The following CHST9 variants were observed in gnomAD, a reference collection of about 807,000 sequenced individuals.
The protein encoded by CHST9 is carbohydrate sulfotransferase 9.
CHST9 carries 41 observed loss-of-function variants against 44.4 expected under a neutral mutation model. The ratio of observed to expected loss-of-function variants is 0.92; its 90% CI spans 0.72 to 1.20. CHST9 has a LOEUF of 1.20. Ranked by LOEUF, CHST9 falls within the 50% of genes most tolerant of loss-of-function variation. The probability of loss-of-function intolerance (pLI) is 0.00; values close to 1 mark genes in which losing one functional copy is unlikely to be tolerated. For missense variants in CHST9, 504 were observed against 516.5 expected, an observed-to-expected ratio of 0.98 and a Z score of 0.23; for synonymous variants, 171 against 178.4, an observed-to-expected ratio of 0.96 and a Z score of 0.33.
At chr18:27,160,630 G>A (rs900124133) in intron 1 of CHST9, among the ~76,000 whole-genome samples, 2 of 152,212 alleles carry the variant, frequency 1.3e-5, no homozygotes, top group African/African-American at 4.8e-5. Flanking sequence ...CACATAAAAT[G>A]AGTTAGGGAG....
intron 3 of CHST9, among the ~76,000 whole-genome samples, chr18:27,029,091 GTGGGT>G (rs1181442012): frequency 2.6e-5 from 4 of 152,114 alleles, no homozygotes; most frequent in African/African-American, 9.7e-5. Flanking sequence ...GATGATTGTG[GTGGGT>G]TGGGTGTGCT....
At position 27,108,088 on chromosome 18, in the gene CHST9, T is replaced by C. The variant is rs144916656; in HGVS notation, c.121+34601A>G. Among the ~76,000 whole-genome samples, 9 of 152,280 alleles carry C rather than the reference T, an allele frequency of 5.9e-5. No homozygotes were observed. In the East Asian group the frequency reaches 1.7e-3, roughly 30 times the overall value. On this transcript the variant is annotated intron_variant, in intron 2 of 5. Transcript: ENST00000618847. ...CAATCTACCCACCTAGACACCTAAC[T>C]ATTGCCTGTTCCCAGAGTTCTCTGT...
intron 2 of CHST9, among the ~76,000 whole-genome samples, chr18:27,090,771 T>C (rs1039665864): frequency 6.6e-6 from 1 of 152,206 alleles, no homozygotes; most frequent in Non-Finnish European, 1.5e-5. Flanking sequence ...TGTGGTGTTA[T>C]TTCTGAGGCC....
At chr18:27,130,250 A>G (rs937611716) in intron 2 of CHST9, among the ~76,000 whole-genome samples, 5 of 152,184 alleles carry the variant, frequency 3.3e-5, no homozygotes, top group African/African-American at 1.2e-4. Flanking sequence ...ACTGCCATGA[A>G]TTATTTAGTG....
At chr18:26,972,753 C>A (rs2056566156) in intron 4 of CHST9, among the ~76,000 whole-genome samples, 1 of 152,196 alleles carries the variant, frequency 6.6e-6, no homozygotes, top group Non-Finnish European at 1.5e-5. Context: ...AGACAGTGAT[C>A]CAGATGAGAG....
chr18:27,050,927 A>C (rs1474840238), intron 2 of CHST9, among the ~76,000 whole-genome samples: 1 of 152,256 alleles, frequency 6.6e-6, no homozygotes, highest in Non-Finnish European at 1.5e-5. Context: ...TAAGTCACTA[A>C]TTCTGAAAGT....
intron 2 of CHST9, among the ~76,000 whole-genome samples, chr18:27,073,421 C>T (rs1328649416): frequency 6.7e-6 from 1 of 149,818 alleles, no homozygotes; most frequent in Non-Finnish European, 1.5e-5. Context: ...TGGGGGTGGG[C>T]AGCGCAGGTG....
At chr18:27,032,371 A>G (rs1465144161) in intron 3 of CHST9, among the ~76,000 whole-genome samples, 1 of 152,236 alleles carries the variant, frequency 6.6e-6, no homozygotes, top group Non-Finnish European at 1.5e-5. Flanking sequence ...CTACTCTGAC[A>G]AAAGTGCTGA....
intron 5 of CHST9, among the ~76,000 whole-genome samples, chr18:26,921,784 A>G (rs1036457144): frequency 6.6e-6 from 1 of 152,204 alleles, no homozygotes; most frequent in Non-Finnish European, 1.5e-5. Context: ...AAACATGTAT[A>G]TAAAGCCAAA....
At chr18:27,115,706 T>G (rs146147178) in intron 2 of CHST9, among the ~76,000 whole-genome samples, 2 of 151,990 alleles carry the variant, frequency 1.3e-5, no homozygotes, top group Non-Finnish European at 2.9e-5. Flanking sequence ...AGAGATGGGG[T>G]CTCATTTTGT....
intron 4 of CHST9, among the ~76,000 whole-genome samples, chr18:26,949,858 G>A (rs1208561901): frequency 6.6e-6 from 1 of 152,210 alleles, no homozygotes; most frequent in Non-Finnish European, 1.5e-5. Context: ...GGCAGTAGCA[G>A]CAGGGGTCGG....
chr18:26,941,219 T>C (rs2145110308), intron 5 of CHST9, among the ~76,000 whole-genome samples: 2 of 152,284 alleles, frequency 1.3e-5, no homozygotes, highest in South Asian at 2.1e-4. Context: ...GCGTTTCTCG[T>C]AGACAGCACC....
At chr18:27,037,619 A>G (rs1323924396) in intron 3 of CHST9, among the ~76,000 whole-genome samples, 1 of 152,142 alleles carries the variant, frequency 6.6e-6, no homozygotes, top group African/African-American at 2.4e-5. Context: ...CCTGAGCCCA[A>G]GAGGTCTAAG....
At chr18:26,932,847 A>T (rs1350904810) in intron 5 of CHST9, 1 of 153,696 alleles carries the variant, frequency 6.5e-6, no homozygotes, top group Admixed American at 6.5e-5. Context: ...AACTTATCAG[A>T]TGGATGTTCA....
At chr18:27,165,681 G>A (rs577318759) in intron 1 of CHST9, among the ~76,000 whole-genome samples, 5 of 152,214 alleles carry the variant, frequency 3.3e-5, no homozygotes, top group South Asian at 2.1e-4. Flanking sequence ...TAAAACTTCC[G>A]TAGTGATGCC....
chr18:27,063,700 G>A (rs1209688955), intron 2 of CHST9, among the ~76,000 whole-genome samples: 2 of 152,096 alleles, frequency 1.3e-5, no homozygotes, highest in Non-Finnish European at 2.9e-5. Flanking sequence ...TGAACTGGCT[G>A]CTTACATAGC....
At chr18:26,933,336 T>C (rs537012147) in intron 5 of CHST9, among the ~76,000 whole-genome samples, 1 of 152,356 alleles carries the variant, frequency 6.6e-6, no homozygotes, top group South Asian at 2.1e-4. Flanking sequence ...AATCAATCTC[T>C]TATCTGTAAG....
chr18:26,957,597 T>A (rs1176276220), intron 4 of CHST9, among the ~76,000 whole-genome samples: 1 of 149,408 alleles, frequency 6.7e-6, no homozygotes, highest in Non-Finnish European at 1.5e-5. Flanking sequence ...AAGCATCAGA[T>A]CTGGACTTTA....
intron 4 of CHST9, among the ~76,000 whole-genome samples, chr18:27,001,861 C>G (rs535202140): frequency 6.6e-6 from 1 of 152,156 alleles, no homozygotes; most frequent in Admixed American, 6.5e-5. Flanking sequence ...ATCAGAAACA[C>G]CCACGGAACA....
Sources: allele counts gnomAD v4.1 joint callset (sites outside exome capture counted in the v4.1 genomes callset), GRCh38; gene constraint gnomAD v4.1.1; transcripts MANE v1.5; gene names NCBI Gene and HGNC (gene_info 2026-07-23, HGNC 2026-07-21).